Variants in CDH9 observed in about 807,000 individuals in gnomAD.
The protein encoded by CDH9 is cadherin 9.
CDH9 carries 28 observed loss-of-function variants against 70.9 expected under a neutral mutation model. The observed-to-expected ratio is 0.40, with a 90% CI of 0.29 to 0.54. The LOEUF is 0.54. Among genes scored for constraint, CDH9 ranks in the 20% least tolerant of loss-of-function variants. The probability of loss-of-function intolerance (pLI) is 0.59; values close to 1 mark genes in which losing one functional copy is unlikely to be tolerated. For missense variants in CDH9, 874 were observed against 984.4 expected, an observed-to-expected ratio of 0.89 and a Z score of 1.50; for synonymous variants, 409 against 343.1, an observed-to-expected ratio of 1.19 and a Z score of -2.12.
At chr5:26,915,549 T>C in intron 3 of CDH9, 81 bp downstream of exon 3, 2 of 807,866 alleles carry the variant, frequency 2.5e-6, no homozygotes, top group Non-Finnish European at 4.2e-6. Context: ...AGAGGCCACA[T>C]ATCATAACCA....
intron 7 of CDH9, among the ~76,000 whole-genome samples, chr5:26,891,193 T>C (rs1331265373): frequency 6.6e-6 from 1 of 152,164 alleles, no homozygotes; most frequent in Admixed American, 6.5e-5. Flanking sequence ...TTATTAAAGA[T>C]AAGACTCTGC....
intron 2 of CDH9, among the ~76,000 whole-genome samples, chr5:26,957,518 C>T (rs879260642): frequency 4.3e-4 from 65 of 151,924 alleles, no homozygotes; most frequent in Non-Finnish European, 4.6e-4. Flanking sequence ...AAAAATTAGC[C>T]GGGCGTGGAG....
In CDH9 at chr5:26,929,672, G is replaced by A. The variant is rs79856672; in HGVS notation, c.229-13748C>T. On this transcript the variant is annotated intron_variant, in intron 2 of 11. Coordinates refer to ENST00000231021, the MANE Select transcript of CDH9 (RefSeq NM_016279.4). Reference sequence around the variant, plus strand: ...GTACTACTCAGCCATAAAAAATAGCGAGATTCTGTCATTTCAAAAACACAG... The same window carrying A: ...GTACTACTCAGCCATAAAAAATAGCAAGATTCTGTCATTTCAAAAACACAG... Among the ~76,000 whole-genome samples the A allele has an allele frequency of 4.4e-3, 671 of 152,152 alleles. 3 individuals carry two copies. The highest frequency in any genetic ancestry group is 0.014 in the African/African-American group (600 of 41,546).
At chr5:26,997,275 ATGTG>A (rs572993952) in intron 1 of CDH9, among the ~76,000 whole-genome samples, 3 of 150,672 alleles carry the variant, frequency 2.0e-5, no homozygotes, top group African/African-American at 7.3e-5. Context: ...ACATATATGT[ATGTG>A]TGTGTGTGTG....
At chr5:26,987,820 T>A (rs1004636208) in intron 2 of CDH9, among the ~76,000 whole-genome samples, 3 of 152,106 alleles carry the variant, frequency 2.0e-5, no homozygotes, top group African/African-American at 7.2e-5. Flanking sequence ...AGGAGAGTTT[T>A]ATTTAGATAA....
rs1459890254 is a variant in CDH9 at position 26,949,856 on chromosome 5, T to C, written c.229-33932A>G. Among the ~76,000 whole-genome samples, 3 of 152,308 alleles carry C rather than the reference T, an allele frequency of 2.0e-5. No individual in the cohort carries two copies. The East Asian group carries it at 5.8e-4, about 29-fold the overall frequency. ...ACAAAACTCTATTTGTATAAATTAA[T>C]TTATAAGAACTTTAGCAGAGGTCTC... On this transcript the variant is annotated intron_variant, in intron 2 of 11. Transcript: ENST00000231021.
chr5:26,923,219 G>A lies in CDH9; in HGVS notation c.229-7295C>T, dbSNP rs996159089. Among the ~76,000 whole-genome samples, 20 of 148,074 alleles carry A rather than the reference G, an allele frequency of 1.4e-4. 1 individual carries two copies. Among genetic ancestry groups the A allele is most frequent in the Middle Eastern group, 3.2e-3 (1 of 316 alleles). On this transcript the variant is annotated intron_variant, in intron 2 of 11. Coordinates refer to ENST00000231021, the MANE Select transcript of CDH9 (RefSeq NM_016279.4). ...ACAGAAAATAAAGGGATGGAAAAACGTATTCTATGCCAGTAAAAACAACAA... is the reference window on the plus strand; with the variant it reads ...ACAGAAAATAAAGGGATGGAAAAACATATTCTATGCCAGTAAAAACAACAA...
intron 2 of CDH9, among the ~76,000 whole-genome samples, chr5:26,967,101 T>TTTTTATTTTATTTTTA: frequency 1.3e-5 from 2 of 151,874 alleles, no homozygotes; most frequent in Admixed American, 1.3e-4. Flanking sequence ...CCTGGCTAAT[T>TTTTTATTTTATTTTTA]TTTTATTTTA....
chr5:26,951,290 TCAAAA>T (rs1488608247), intron 2 of CDH9, among the ~76,000 whole-genome samples: 2 of 95,290 alleles, frequency 2.1e-5, no homozygotes, highest in African/African-American at 1.2e-4. Context: ...AGACTCTGTC[TCAAAA>T]AAAAAAAAAA....
chr5:26,938,843 A>G (rs1271879724), intron 2 of CDH9, among the ~76,000 whole-genome samples: 1 of 152,136 alleles, frequency 6.6e-6, no homozygotes, highest in Admixed American at 6.5e-5. Context: ...CAAAAGTCAA[A>G]TATATAAATG....
chr5:26,896,288 A>G (rs187574046), intron 7 of CDH9, among the ~76,000 whole-genome samples: 39 of 152,020 alleles, frequency 2.6e-4, no homozygotes, highest in Admixed American at 8.5e-4. Flanking sequence ...TTGAAATTAT[A>G]TCCTTGGGAA....
At chr5:26,952,282 A>C (rs1741859956) in intron 2 of CDH9, among the ~76,000 whole-genome samples, 1 of 149,368 alleles carries the variant, frequency 6.7e-6, no homozygotes, top group East Asian at 2.1e-4. Context: ...AAATTTAATT[A>C]ACTCAATGTG....
At chr5:27,031,736 A>AT (rs1413485677) in intron 1 of CDH9, among the ~76,000 whole-genome samples, 1 of 151,784 alleles carries the variant, frequency 6.6e-6, no homozygotes, top group Non-Finnish European at 1.5e-5. Context: ...CAATGGCAAC[A>AT]TTTTTCAATG....
rs367645041 is a variant in CDH9, at chr5:26,955,435, G to C, written c.228+32671C>G. ...ACATTCCTTTCCTCAGGGCTCAAGGGGAGAATTCATTTCCATGCCTTTTTA... is the reference window on the plus strand; with the variant it reads ...ACATTCCTTTCCTCAGGGCTCAAGGCGAGAATTCATTTCCATGCCTTTTTA... On this transcript the variant is annotated intron_variant, in intron 2 of 11. Transcript: ENST00000231021. 4.6e-5 allele frequency among the ~76,000 whole-genome samples: 7 copies of C among 152,240 alleles called. No homozygotes were observed. The East Asian group carries it at 9.7e-4, about 21-fold the overall frequency.
chr5:26,932,531 T>C (rs1741480870), intron 2 of CDH9, among the ~76,000 whole-genome samples: 1 of 152,114 alleles, frequency 6.6e-6, no homozygotes, highest in Non-Finnish European at 1.5e-5. Context: ...AAATGACCAA[T>C]CTTCTTATCA....
chr5:26,900,110 G>A (rs1264522331), intron 7 of CDH9, among the ~76,000 whole-genome samples: 2 of 151,674 alleles, frequency 1.3e-5, no homozygotes, highest in Admixed American at 1.3e-4. Context: ...TTCCCTGAGA[G>A]ATAAAAAATT....
chr5:26,910,423 T>A (rs916840670), intron 3 of CDH9, among the ~76,000 whole-genome samples: 1 of 152,178 alleles, frequency 6.6e-6, no homozygotes, highest in Non-Finnish European at 1.5e-5. Context: ...ACAGCAACTT[T>A]GTGGCATGGT....
chr5:26,935,119 C>T (rs529562271), intron 2 of CDH9, among the ~76,000 whole-genome samples: 3 of 151,852 alleles, frequency 2.0e-5, no homozygotes, highest in Admixed American at 6.6e-5. Context: ...TATCAAGAGG[C>T]TAAAAAAAGT....
rs1258039594 is a variant in CDH9 at position 27,015,210 on chromosome 5, A to G, written c.-50+23253T>C. On this transcript the variant is annotated intron_variant, in intron 1 of 11. Transcript: ENST00000231021. Reference sequence around the variant, plus strand: ...CAATATTCCTGTTACAAAATCACGGAATTCTACCCAAGGAGGTAGAATTAT... The same window carrying G: ...CAATATTCCTGTTACAAAATCACGGGATTCTACCCAAGGAGGTAGAATTAT... Among the ~76,000 whole-genome samples the G allele has an allele frequency of 2.0e-5, 3 of 151,816 alleles. No individual in the cohort carries two copies. In the Admixed American group the frequency reaches 2.0e-4, roughly 10 times the overall value.
Sources: gnomAD v4.1 joint callset for allele counts (sites outside exome capture counted in the v4.1 genomes callset) on GRCh38, gnomAD v4.1.1 for gene constraint, MANE v1.5 for transcripts, NCBI Gene and HGNC (gene_info 2026-07-23, HGNC 2026-07-21) for gene names.